Variants in LINGO2 observed in about 807,000 individuals in gnomAD.
LINGO2 encodes the protein leucine rich repeat and Ig domain containing 2.
A neutral mutation model predicts 30.6 loss-of-function variants in LINGO2; 14 were observed. The ratio of observed to expected loss-of-function variants is 0.46; its 90% CI spans 0.30 to 0.72. The LOEUF is 0.72. Ranked by LOEUF, LINGO2 falls within the 30% of genes least tolerant of loss-of-function variation. The pLI is 0.07. For synonymous variants in LINGO2, 317 were observed against 288.5 expected (o/e 1.10, Z -1.00); for missense variants, 729 against 751.7 (o/e 0.97, Z 0.35).
chr9:28,877,282 T>C, the LINGO2 span, among the ~76,000 whole-genome samples: 1 of 152,006 alleles, frequency 6.6e-6, no homozygotes, highest in Non-Finnish European at 1.5e-5. Context: ...AATTTTGGCT[T>C]TCGTTGCCAT....
chr9:28,685,992 T>G, the LINGO2 span, among the ~76,000 whole-genome samples: 2 of 151,924 alleles, frequency 1.3e-5, no homozygotes, highest in Admixed American at 1.3e-4. Flanking sequence ...TGTGTGTGTG[T>G]GTGTGTGTGT....
chr9:28,510,257 T>C (rs1001817049), intron 1 of LINGO2, among the ~76,000 whole-genome samples: 24 of 152,186 alleles, frequency 1.6e-4, no homozygotes, highest in Admixed American at 9.2e-4. Flanking sequence ...CATAAAACTT[T>C]TCACTCCCAT....
intron 1 of LINGO2, among the ~76,000 whole-genome samples, chr9:28,660,277 A>G (rs1178966938): frequency 2.0e-5 from 3 of 152,130 alleles, no homozygotes; most frequent in Non-Finnish European, 4.4e-5. Context: ...TTAATAAAAC[A>G]TGGTTATTAA....
intron 4 of LINGO2, among the ~76,000 whole-genome samples, chr9:28,244,811 A>G (rs1436922410): frequency 1.1e-5 from 1 of 90,944 alleles, no homozygotes; most frequent in Non-Finnish European, 2.2e-5. Flanking sequence ...CAGTAATAGT[A>G]TGCCAACCAA....
rs117816623 is a variant in LINGO2 at position 28,065,275 on chromosome 9, T to G, written c.-86-52870A>C. Among the ~76,000 whole-genome samples the G allele has an allele frequency of 5.1e-4, 77 of 152,200 alleles. 3 individuals carry two copies. The East Asian group carries it at 0.014, about 28-fold the overall frequency. On this transcript the variant is annotated intron_variant, in intron 4 of 5. Coordinates refer to ENST00000379992, the Ensembl canonical transcript of LINGO2. ...TTTTGTTCTGTATTCTAATGAGGTT[T>G]GTATTTGTTTTGTTCACTGCCATAT...
At chr9:28,494,702 G>C (rs1296440194) in intron 1 of LINGO2, among the ~76,000 whole-genome samples, 1 of 152,188 alleles carries the variant, frequency 6.6e-6, no homozygotes, top group East Asian at 1.9e-4. Flanking sequence ...CTTTAAAGCA[G>C]CATGATTTAT....
chr9:29,096,698 T>C, the LINGO2 span, among the ~76,000 whole-genome samples: 1 of 140,496 alleles, frequency 7.1e-6, no homozygotes, highest in Non-Finnish European at 1.6e-5. Flanking sequence ...TCTGTTTCCA[T>C]TATTATCTTT....
At chr9:28,027,535 A>G (rs1020124085) in intron 4 of LINGO2, among the ~76,000 whole-genome samples, 6 of 152,170 alleles carry the variant, frequency 3.9e-5, no homozygotes, top group Non-Finnish European at 8.8e-5. Flanking sequence ...GGTGGAATAC[A>G]GCATGTAAGG....
At chr9:28,754,274 C>T in the LINGO2 span, among the ~76,000 whole-genome samples, 2 of 151,984 alleles carry the variant, frequency 1.3e-5, no homozygotes, top group African/African-American at 4.8e-5. Context: ...AGTTGATGTT[C>T]ATCTGGATAA....
At chr9:28,952,748 G>A in the LINGO2 span, among the ~76,000 whole-genome samples, 1 of 152,152 alleles carries the variant, frequency 6.6e-6, no homozygotes, top group African/African-American at 2.4e-5. Context: ...GATGATTGTA[G>A]CTGCATGAAT....
chr9:29,177,871 C>T, the LINGO2 span, among the ~76,000 whole-genome samples: 1 of 150,708 alleles, frequency 6.6e-6, no homozygotes. Flanking sequence ...AAAATTGACC[C>T]CTTCTCTCTT....
At chr9:28,599,731 C>T (rs1825382851) in intron 1 of LINGO2, among the ~76,000 whole-genome samples, 1 of 152,082 alleles carries the variant, frequency 6.6e-6, no homozygotes, top group Non-Finnish European at 1.5e-5. Flanking sequence ...GTCTAAAAAG[C>T]ACTTGCTTTA....
the LINGO2 span, among the ~76,000 whole-genome samples, chr9:28,860,257 C>T: frequency 6.6e-6 from 1 of 152,036 alleles, no homozygotes; most frequent in Non-Finnish European, 1.5e-5. Flanking sequence ...TTTGGTCAGA[C>T]ATTATGCTAG....
the LINGO2 span, among the ~76,000 whole-genome samples, chr9:28,685,894 A>G: frequency 1.3e-5 from 2 of 152,034 alleles, no homozygotes; most frequent in African/African-American, 2.4e-5. Flanking sequence ...TGAGGTTTGT[A>G]CTAAAAGTCA....
At chr9:29,206,904 C>T in the LINGO2 span, among the ~76,000 whole-genome samples, 2 of 151,976 alleles carry the variant, frequency 1.3e-5, no homozygotes, top group Non-Finnish European at 2.9e-5. Flanking sequence ...TTTATCATTA[C>T]CTGCAAATAA....
intron 5 of LINGO2, among the ~76,000 whole-genome samples, chr9:28,011,866 G>A (rs935804383): frequency 5.3e-5 from 8 of 152,186 alleles, no homozygotes; most frequent in African/African-American, 1.7e-4. Flanking sequence ...GGCAGGGCAT[G>A]AACTCAGATC....
chr9:28,489,927 T>C (rs1477342123), intron 1 of LINGO2, among the ~76,000 whole-genome samples: 3 of 138,760 alleles, frequency 2.2e-5, no homozygotes, highest in African/African-American at 8.1e-5. Flanking sequence ...AAAAGTAAGA[T>C]AAGGAAAGGC....
chr9:28,447,686 G>T (rs187491026), intron 2 of LINGO2, among the ~76,000 whole-genome samples: 1 of 152,214 alleles, frequency 6.6e-6, no homozygotes, highest in East Asian at 1.9e-4. Context: ...ATGATTAATA[G>T]AATCTTCTCT....
chr9:28,762,962 T>G, the LINGO2 span, among the ~76,000 whole-genome samples: 1 of 152,056 alleles, frequency 6.6e-6, no homozygotes, highest in African/African-American at 2.4e-5. Context: ...TTTACCTAGT[T>G]TATAGTTGTC....
Sources: gnomAD v4.1 joint callset for allele counts (sites outside exome capture counted in the v4.1 genomes callset) on GRCh38, gnomAD v4.1.1 for gene constraint, MANE v1.5 for transcripts, NCBI Gene and HGNC (gene_info 2026-07-23, HGNC 2026-07-21) for gene names.